Variants in SRC observed in about 807,000 individuals in gnomAD.
The protein encoded by SRC is SRC proto-oncogene, non-receptor tyrosine kinase.
SRC carries 13 observed loss-of-function variants against 62.9 expected under a neutral mutation model. That is an observed-to-expected ratio of 0.21 (90% CI 0.13 to 0.33). The LOEUF is 0.33. SRC is among the 10% of genes least tolerant of loss of function. SRC has a pLI of 1.00. For missense variants in SRC, 457 were observed against 737.3 expected (o/e 0.62, Z 4.40); for synonymous variants, 302 against 317.5 (o/e 0.95, Z 0.52).
At chr20:37,394,312 T>C (rs1208592734) in intron 7 of SRC, 35 bp downstream of exon 7, 2 of 1,585,108 alleles carry the variant, frequency 1.3e-6, no homozygotes, top group Admixed American at 3.3e-5. Flanking sequence ...GGATACTGAG[T>C]CTTCTGTGAG....
intron 2 of SRC, among the ~76,000 whole-genome samples, chr20:37,373,097 T>C (rs897857432): frequency 3.6e-5 from 5 of 139,878 alleles, no homozygotes; most frequent in African/African-American, 9.6e-5. Flanking sequence ...TATAAATACA[T>C]ATACACATAT....
intron 5 of SRC, among the ~76,000 whole-genome samples, chr20:37,387,801 A>C (rs942664899): frequency 3.3e-5 from 5 of 152,140 alleles, no homozygotes; most frequent in African/African-American, 1.2e-4. Flanking sequence ...TGACAATGTC[A>C]CCATTTCTTG....
chr20:37,403,172 G>T lies in SRC; in HGVS notation c.1404G>T (p.Gly468=). 6.5e-7 allele frequency: 1 copy of T among 1,540,482 alleles called. No homozygotes were observed. Among genetic ancestry groups the T allele is most frequent in the Non-Finnish European group, 8.7e-7 (1 of 1,146,942 alleles). ...CCCCATGCCTCGCTCTGCCCACAGG[G>T]ATGGTGAACCGCGAGGTGCTGGACC... ...LTTKGRVPYP[G]MVNREVLDQV... The change falls in exon 14 of 14, where the codon GGG becomes GGT. Residue 468 remains glycine, a splice_region_variant and synonymous_variant. Coordinates refer to ENST00000373578, the MANE Select transcript of SRC (RefSeq NM_198291.3). The surrounding 1 kb of genome is among the most constrained non-coding windows in gnomAD (Gnocchi z 7.1).
In SRC at chr20:37,383,839, C is replaced by A. The variant is rs1026980380; in HGVS notation, c.-4-311C>A. Reference sequence around the variant, plus strand: ...CTCTGCCTCCCCTGTTCAAGCGATTCTCCTGCCTCACCCTCCGGAGTAGCT... The same window carrying A: ...CTCTGCCTCCCCTGTTCAAGCGATTATCCTGCCTCACCCTCCGGAGTAGCT... On this transcript the variant is annotated intron_variant, in intron 3 of 13. Transcript: ENST00000373578. 1.5e-5 allele frequency: 5 copies of A among 332,822 alleles called. No homozygotes were observed. The Admixed American group carries it at 2.8e-4, about 19-fold the overall frequency. 20.6% of individuals were successfully genotyped at this position (332,822 alleles called of 1,614,324 possible).
chr20:37,367,226 C>T (rs1041141570), intron 2 of SRC, among the ~76,000 whole-genome samples: 1 of 151,120 alleles, frequency 6.6e-6, no homozygotes, highest in East Asian at 1.9e-4. Context: ...GTGTGTGCCA[C>T]CACGCCTGGC....
chr20:37,403,228 C>T lies in SRC; in HGVS notation c.1460C>T (p.Pro487Leu), dbSNP rs756665933. 27 of 1,577,014 alleles carry T rather than the reference C, an allele frequency of 1.7e-5. No individual in the cohort carries two copies. Among genetic ancestry groups the T allele is most frequent in the Admixed American group, 9.1e-5 (5 of 55,192 alleles). ...GAGCGGGGCTACCGGATGCCCTGCC[C>T]GCCGGAGTGTCCCGAGTCCCTGCAC... ...QVERGYRMPCPPECPESLHDL... is the reference protein window; with the variant it reads ...QVERGYRMPCLPECPESLHDL... Residue 487 changes from proline (P) to leucine (L), a missense_variant, in exon 14 of 14, where the codon CCG becomes CTG. Pro to Leu is a moderately conservative substitution (Grantham distance 98). Coordinates refer to ENST00000373578, the MANE Select transcript of SRC (RefSeq NM_198291.3). The surrounding 1 kb of genome is among the most constrained non-coding windows in gnomAD (Gnocchi z 7.1).
In SRC at chr20:37,403,888, G is replaced by A. The variant is rs532994721; in HGVS notation, c.*509G>A. 9.0e-5 allele frequency: 22 copies of A among 245,672 alleles called. No individual in the cohort carries two copies. The highest frequency in any genetic ancestry group is 8.1e-4 in the East Asian group (14 of 17,298). 15.2% of individuals were successfully genotyped at this position (245,672 alleles called of 1,614,324 possible). On this transcript the variant is annotated 3_prime_UTR_variant, in exon 14 of 14. Transcript: ENST00000373578. The surrounding 1 kb of genome is among the most constrained non-coding windows in gnomAD (Gnocchi z 7.1). Reference sequence around the variant, plus strand: ...GAAACACCTGTAGGCAGAGGCTGCCGAGACAGACCCTCTGCCGCTGCTTCC... The same window carrying A: ...GAAACACCTGTAGGCAGAGGCTGCCAAGACAGACCCTCTGCCGCTGCTTCC...
intron 5 of SRC, among the ~76,000 whole-genome samples, chr20:37,392,419 G>A (rs1601008345): frequency 6.6e-6 from 1 of 152,206 alleles, no homozygotes; most frequent in African/African-American, 2.4e-5. Flanking sequence ...AGAAGTGGGA[G>A]CCAGGGATCC....
chr20:37,371,978 A>C (rs922165232), intron 2 of SRC, among the ~76,000 whole-genome samples: 2 of 151,892 alleles, frequency 1.3e-5, no homozygotes, highest in African/African-American at 4.8e-5. Flanking sequence ...TAGGATTACA[A>C]GTGTGAGCCA....
chr20:37,388,870 G>A (rs191934090), intron 5 of SRC, among the ~76,000 whole-genome samples: 10 of 152,246 alleles, frequency 6.6e-5, no homozygotes, highest in Non-Finnish European at 1.5e-4. Context: ...AGGTGTTTGA[G>A]TCTCACACCT....
chr20:37,401,867 G>T, intron 11 of SRC, 189 bp downstream of exon 11: 2 of 494,086 alleles, frequency 4.0e-6, no homozygotes, highest in Non-Finnish European at 7.1e-6. Flanking sequence ...ATTCTGGGCA[G>T]CAGAAGGCCC....
Position 37,396,399 on chromosome 20 carries a change from G to T in SRC, c.703+88G>T. ...GGGCCTTGGAGCCTAGAAGGGTGGG[G>T]ACTTCTGTTATCCTGCTTCTCTCCC... is the stretch of plus-strand genomic sequence containing the variant. On this transcript the variant is annotated intron_variant, in intron 8 of 13. Transcript: ENST00000373578. This position sits in a 1 kb window ranked among gnomAD's most constrained non-coding sequence, Gnocchi z 6.1. 2.0e-6 allele frequency: 3 copies of T among 1,502,788 alleles called. No individual in the cohort carries two copies. The highest frequency in any genetic ancestry group is 2.7e-6 in the Non-Finnish European group (3 of 1,106,922). 93.1% of individuals were successfully genotyped at this position (1,502,788 alleles called of 1,614,324 possible). A position where few individuals can be genotyped will look rare whatever the true frequency, so the allele number is the denominator to read the frequency against.
chr20:37,347,848 C>T (rs1306366074), intron 1 of SRC, among the ~76,000 whole-genome samples: 1 of 152,204 alleles, frequency 6.6e-6, no homozygotes, highest in Non-Finnish European at 1.5e-5. Flanking sequence ...AAGCCCAGAC[C>T]TCAGAGACCA....
chr20:37,356,798 T>C (rs2069888953), intron 1 of SRC, among the ~76,000 whole-genome samples: 1 of 151,956 alleles, frequency 6.6e-6, no homozygotes, highest in East Asian at 1.9e-4. Flanking sequence ...CTGGAGGGTC[T>C]GGACTCTAGA....
chr20:37,372,061 G>A (rs2070173943), intron 2 of SRC, among the ~76,000 whole-genome samples: 2 of 152,050 alleles, frequency 1.3e-5, no homozygotes, highest in African/African-American at 2.4e-5. Context: ...TAAGTGGCAC[G>A]ATCATGGCTC....
At chr20:37,346,665 C>A (rs1345343014) in intron 1 of SRC, among the ~76,000 whole-genome samples, 1 of 142,942 alleles carries the variant, frequency 7.0e-6, no homozygotes, top group African/African-American at 2.5e-5. Context: ...CCCCCGGCCC[C>A]GGGTGGGAGG....
rs143900427 is a variant in SRC, at chr20:37,403,141, C to G, written c.1403-30C>G. ...CCCACCCCACTTTCCTCACCGGAGC[C>G]GGGCTCCCCATGCCTCGCTCTGCCC... On this transcript the variant is annotated intron_variant, in intron 13 of 13. Transcript: ENST00000373578. The surrounding 1 kb of genome is among the most constrained non-coding windows in gnomAD (Gnocchi z 7.1). 6.6e-7 allele frequency: 1 copy of G among 1,509,432 alleles called. No individual in the cohort carries two copies. The highest frequency in any genetic ancestry group is 1.4e-5 in the African/African-American group (1 of 72,522). 93.5% of individuals were successfully genotyped at this position (1,509,432 alleles called of 1,614,324 possible).
intron 2 of SRC, among the ~76,000 whole-genome samples, chr20:37,382,259 T>C (rs2070376172): frequency 6.6e-6 from 1 of 152,182 alleles, no homozygotes; most frequent in Admixed American, 6.5e-5. Flanking sequence ...TACAGTGTCT[T>C]GTGCATTTAT....
chr20:37,394,810 C>G (rs1345103999), intron 7 of SRC, among the ~76,000 whole-genome samples: 1 of 152,202 alleles, frequency 6.6e-6, no homozygotes, highest in African/African-American at 2.4e-5. Flanking sequence ...TCCTGTGGGC[C>G]TGGGGCTCAG....
Sources: gnomAD v4.1 joint callset for allele counts (sites outside exome capture counted in the v4.1 genomes callset) on GRCh38, gnomAD v4.1.1 for gene constraint, Gnocchi (gnomAD v3.1) non-coding constraint, MANE v1.5 for transcripts, NCBI Gene and HGNC (gene_info 2026-07-23, HGNC 2026-07-21) for gene names.